The following BNC2 variants were observed in gnomAD, a reference collection of about 807,000 sequenced individuals.
The protein encoded by BNC2 is basonuclin zinc finger protein 2.
Under a neutral mutation model 76.3 loss-of-function variants are expected in BNC2, and 20 were observed. The observed-to-expected ratio is 0.26, with a 90% CI of 0.18 to 0.38. The LOEUF (loss-of-function observed/expected upper bound fraction) is 0.38, where lower values mean the gene tolerates loss of function less well. Among genes scored for constraint, BNC2 ranks in the 10% least tolerant of loss-of-function variants. The probability of loss-of-function intolerance (pLI) is 1.00; values close to 1 mark genes in which losing one functional copy is unlikely to be tolerated. For missense variants in BNC2, 1,382 were observed against 1,399.8 expected (o/e 0.99, Z 0.20); for synonymous variants, 582 against 514.8 (o/e 1.13, Z -1.77).
intron 5 of BNC2, among the ~76,000 whole-genome samples, chr9:16,510,993 C>T (rs998867616): frequency 2.6e-5 from 4 of 151,944 alleles, no homozygotes; most frequent in African/African-American, 9.7e-5. Flanking sequence ...AGGAAACACA[C>T]ATTTGTTCCA....
chr9:16,809,996 C>A (rs1818005449), intron 1 of BNC2, among the ~76,000 whole-genome samples: 2 of 152,012 alleles, frequency 1.3e-5, no homozygotes, highest in South Asian at 4.2e-4. Flanking sequence ...TCTCTGCCTC[C>A]CCTCTAGGAT....
intron 3 of BNC2, among the ~76,000 whole-genome samples, chr9:16,687,134 T>C (rs1028007986): frequency 2.0e-5 from 3 of 152,120 alleles, no homozygotes; most frequent in Non-Finnish European, 4.4e-5. Flanking sequence ...GTTATTAGGT[T>C]GTAAAACCTG....
At chr9:16,634,123 C>A (rs1272093252) in intron 3 of BNC2, among the ~76,000 whole-genome samples, 2 of 152,180 alleles carry the variant, frequency 1.3e-5, no homozygotes, top group Non-Finnish European at 2.9e-5. Flanking sequence ...CGTGTTCTGA[C>A]AGGACTATTT....
At chr9:16,866,662 TTAAAA>T (rs1308684165) in intron 1 of BNC2, among the ~76,000 whole-genome samples, 1 of 131,242 alleles carries the variant, frequency 7.6e-6, no homozygotes, top group Non-Finnish European at 1.6e-5. Flanking sequence ...TCTGTCACTT[TTAAAA>T]AAAAAAAAAA....
intron 3 of BNC2, among the ~76,000 whole-genome samples, chr9:16,691,250 A>G (rs1205350600): frequency 6.6e-6 from 1 of 152,146 alleles, no homozygotes; most frequent in Admixed American, 6.5e-5. Flanking sequence ...AGAAATTTCC[A>G]TTGTACTCCT....
intron 2 of BNC2, chr9:16,728,357 C>A: frequency 1.6e-5 from 6 of 384,492 alleles, no homozygotes; most frequent in South Asian, 8.8e-5. Flanking sequence ...ACTAACCCCT[C>A]TCCAGATATA....
intron 5 of BNC2, among the ~76,000 whole-genome samples, chr9:16,547,431 C>G (rs1480040841): frequency 6.6e-6 from 1 of 152,228 alleles, no homozygotes; most frequent in Non-Finnish European, 1.5e-5. Flanking sequence ...CTATACCAAG[C>G]TAAACAGGTT....
At chr9:16,832,208 A>G (rs780895978) in intron 1 of BNC2, 2 of 1,109,158 alleles carry the variant, frequency 1.8e-6, no homozygotes, top group South Asian at 1.4e-5. Flanking sequence ...TAGTCTTCAA[A>G]GGAAAAATAT....
chr9:16,676,363 A>C (rs2134235667), intron 3 of BNC2, among the ~76,000 whole-genome samples: 1 of 152,298 alleles, frequency 6.6e-6, no homozygotes, highest in Admixed American at 6.5e-5. Context: ...CCAAACACAA[A>C]CGCGTAATTC....
chr9:16,559,095 C>T (rs1246094168), intron 4 of BNC2, among the ~76,000 whole-genome samples: 1 of 152,026 alleles, frequency 6.6e-6, no homozygotes, highest in Non-Finnish European at 1.5e-5. Flanking sequence ...GGGACGAATG[C>T]CTTCAACAGC....
At chr9:16,592,604 C>T (rs1382744602) in intron 3 of BNC2, among the ~76,000 whole-genome samples, 1 of 151,952 alleles carries the variant, frequency 6.6e-6, no homozygotes, top group African/African-American at 2.4e-5. Flanking sequence ...GATAACTGAA[C>T]CTAACCATAA....
intron 5 of BNC2, among the ~76,000 whole-genome samples, chr9:16,481,533 C>T (rs1166340301): frequency 6.6e-6 from 1 of 152,154 alleles, no homozygotes; most frequent in Non-Finnish European, 1.5e-5. Flanking sequence ...AGACACGCCA[C>T]CTTAAGAGCT....
At chr9:16,622,063 T>C (rs1331580925) in intron 3 of BNC2, among the ~76,000 whole-genome samples, 1 of 152,130 alleles carries the variant, frequency 6.6e-6, no homozygotes, top group Non-Finnish European at 1.5e-5. Flanking sequence ...CTCTTGTTGG[T>C]TGTGATGACC....
intron 3 of BNC2, among the ~76,000 whole-genome samples, chr9:16,629,772 T>C (rs1821107009): frequency 6.6e-6 from 1 of 152,176 alleles, no homozygotes. Context: ...ACATCTAAAA[T>C]ACTTTATTGC....
At chr9:16,737,317 C>A (rs549245960) in intron 2 of BNC2, among the ~76,000 whole-genome samples, 2 of 131,274 alleles carry the variant, frequency 1.5e-5, no homozygotes, top group East Asian at 5.2e-4. Context: ...GTGGCGCAAT[C>A]TTGGCTTACT....
intron 6 of BNC2, among the ~76,000 whole-genome samples, chr9:16,433,242 C>T (rs1337361858): frequency 6.6e-6 from 1 of 152,100 alleles, no homozygotes; most frequent in South Asian, 2.1e-4. Flanking sequence ...AAAAGAGTTG[C>T]ATATTGTTAA....
chr9:16,815,543 A>G (rs1488474880), intron 1 of BNC2, among the ~76,000 whole-genome samples: 20 of 152,224 alleles, frequency 1.3e-4, no homozygotes, highest in Admixed American at 1.3e-3. Flanking sequence ...GGATCTAAAG[A>G]TAAGTCAATG....
chr9:16,672,145 A>C (rs1287732831), intron 3 of BNC2, among the ~76,000 whole-genome samples: 1 of 152,208 alleles, frequency 6.6e-6, no homozygotes, highest in African/African-American at 2.4e-5. Context: ...ACTCCTATGA[A>C]GATGAGACAA....
intron 5 of BNC2, among the ~76,000 whole-genome samples, chr9:16,520,039 G>A (rs1817566051): frequency 6.6e-6 from 1 of 152,150 alleles, no homozygotes; most frequent in Admixed American, 6.5e-5. Flanking sequence ...AAACTCTAAT[G>A]GGCAGATACC....
Sources: gnomAD v4.1 joint callset for allele counts (sites outside exome capture counted in the v4.1 genomes callset) on GRCh38, gnomAD v4.1.1 for gene constraint, MANE v1.5 for transcripts, NCBI Gene and HGNC (gene_info 2026-07-23, HGNC 2026-07-21) for gene names.